DNAAF11: variants seen among roughly 807,000 people sequenced by gnomAD.
DNAAF11 encodes dynein axonemal assembly factor 11.
DNAAF11 carries 45 observed loss-of-function variants against 60.8 expected under a neutral mutation model. That is an observed-to-expected ratio of 0.74 (90% CI 0.58 to 0.95). The LOEUF is 0.95. Ranked by LOEUF, DNAAF11 falls within the 40% of genes least tolerant of loss-of-function variation. DNAAF11 has a pLI of 0.00. For synonymous variants in DNAAF11, 191 were observed against 183.5 expected (o/e 1.04, Z -0.33); for missense variants, 546 against 546.2 (o/e 1.00, Z 0.00).
At chr8:132,689,398 G>T in the DNAAF11 span, among the ~76,000 whole-genome samples, 1 of 152,012 alleles carries the variant, frequency 6.6e-6, no homozygotes, top group South Asian at 2.1e-4. Flanking sequence ...TTTGTTTATT[G>T]ACTTTAACCA....
At chr8:132,680,210 T>C (rs949860986), upstream of DNAAF11, among the ~76,000 whole-genome samples, 1 of 152,250 alleles carries the variant, frequency 6.6e-6, no homozygotes, top group Non-Finnish European at 1.5e-5. Context: ...TCAAAGTGGA[T>C]GAAAGAGTTT....
rs182535997 is a variant in DNAAF11, at chr8:132,640,312, T to C, written c.257-2205A>G. Reference sequence around the variant, plus strand: ...TCCCAGAGTTCCACCCTTGGCCCAGTATTTTCTGTCATCATCTTCTTGATG... The same window carrying C: ...TCCCAGAGTTCCACCCTTGGCCCAGCATTTTCTGTCATCATCTTCTTGATG... On this transcript the variant is annotated intron_variant, in intron 3 of 11. Coordinates refer to ENST00000620350, the MANE Select transcript of DNAAF11 (RefSeq NM_012472.6). Among the ~76,000 whole-genome samples, 187 of 152,308 alleles carry C rather than the reference T, an allele frequency of 1.2e-3. 6 individuals are homozygous for C. Among genetic ancestry groups the C allele is most frequent in the Admixed American group, 0.01 (155 of 15,302 alleles).
intron 10 of DNAAF11, among the ~76,000 whole-genome samples, chr8:132,584,071 T>C (rs560060646): frequency 6.6e-6 from 1 of 152,176 alleles, no homozygotes; most frequent in East Asian, 1.9e-4. Context: ...GACAACAACA[T>C]GCCAGATACT....
rs777223257 is a variant in DNAAF11, at chr8:132,611,359, T to C, written c.979A>G (p.Met327Val). 14 of 1,582,510 alleles carry C rather than the reference T, an allele frequency of 8.8e-6. No individual in the cohort carries two copies. Among genetic ancestry groups the C allele is most frequent in the South Asian group, 1.1e-5 (1 of 89,740 alleles). ...IILDLAVYRY[M>V]DTSLIDVDVQ... ...TCAACATCGATTAAAGAGGTATCCA[T>C]ATACCTTCAAAATTAAACACAGAAA... Residue 327 changes from methionine (M) to valine (V), a missense_variant, in exon 9 of 12, where the codon ATG (methionine) becomes GTG (valine). Coordinates refer to ENST00000620350, the MANE Select transcript of DNAAF11 (RefSeq NM_012472.6).
At chr8:132,588,561 AAAC>A (rs200259010) in intron 10 of DNAAF11, among the ~76,000 whole-genome samples, 1,608 of 152,304 alleles carry the variant, frequency 0.011, 29 homozygotes, top group African/African-American at 0.037. Context: ...AAAGATATAT[AAAC>A]AGTTAAAATA....
intron 4 of DNAAF11, among the ~76,000 whole-genome samples, chr8:132,633,671 G>A (rs755475865): frequency 1.8e-4 from 28 of 152,108 alleles, no homozygotes; most frequent in Middle Eastern, 3.2e-3. Context: ...GGCTTTACAG[G>A]TGTGATTAGG....
chr8:132,581,079 G>C (rs981022856), intron 11 of DNAAF11, among the ~76,000 whole-genome samples: 1 of 152,094 alleles, frequency 6.6e-6, no homozygotes, highest in Non-Finnish European at 1.5e-5. Flanking sequence ...AAGAAACACA[G>C]GGACAGTAGG....
intron 9 of DNAAF11, among the ~76,000 whole-genome samples, 159 bp from the exon 10 acceptor site, chr8:132,610,420 AC>A (rs1818547930): frequency 6.6e-6 from 1 of 152,218 alleles, no homozygotes; most frequent in South Asian, 2.1e-4. Flanking sequence ...CTTTCTATGC[AC>A]AAACTATTTT....
chr8:132,617,432 G>T (rs982797215), intron 7 of DNAAF11, among the ~76,000 whole-genome samples: 2 of 152,238 alleles, frequency 1.3e-5, no homozygotes, highest in African/African-American at 4.8e-5. Context: ...GTTCACTCAT[G>T]ATTTGGCTCT....
chr8:132,608,477 A>G, intron 10 of DNAAF11: 1 of 450,880 alleles, frequency 2.2e-6, no homozygotes, highest in South Asian at 1.6e-5. Context: ...ATAAAGGAAA[A>G]GGGGAAAAGA....
the DNAAF11 span, among the ~76,000 whole-genome samples, chr8:132,688,262 A>C: frequency 8.5e-5 from 13 of 152,226 alleles, no homozygotes; most frequent in East Asian, 3.9e-4. Context: ...ATATTACCCA[A>C]CCCAGTAATC....
Position 132,640,198 on chromosome 8 carries a change from G to A in DNAAF11, c.257-2091C>T, listed in dbSNP as rs113878314. Among the ~76,000 whole-genome samples the A allele has an allele frequency of 3.5e-3, 533 of 152,246 alleles. 2 individuals carry two copies. Among genetic ancestry groups the A allele is most frequent in the African/African-American group, 0.012 (498 of 41,564 alleles). ...AATTCTCAGCCATCTTGGTAACAGCGATACTACTCTCTCCTTGTTCTCCTT... is the reference window on the plus strand; with the variant it reads ...AATTCTCAGCCATCTTGGTAACAGCAATACTACTCTCTCCTTGTTCTCCTT... On this transcript the variant is annotated intron_variant, in intron 3 of 11. Transcript: ENST00000620350.
rs1821465304 is a variant in DNAAF11 at position 132,637,965 on chromosome 8, C to T, written c.399G>A (p.Glu133=). Residue 133 remains glutamate, a synonymous_variant, in exon 4 of 12, where the codon GAG becomes GAA. Transcript: ENST00000620350. ...NPCASFDHYR[E]FVVATLPQLK... is the part of the protein sequence containing the mutation. ...ATTGTGGAAGAGTTGCTACCACGAA[C>T]TCCCTATAGTGGTCAAAGGAAGCAC... 1.9e-6 allele frequency: 3 copies of T among 1,610,596 alleles called. No individual in the cohort carries two copies. Among genetic ancestry groups the T allele is most frequent in the Non-Finnish European group, 2.5e-6 (3 of 1,178,670 alleles).
At chr8:132,593,266 T>A (rs1225835157) in intron 10 of DNAAF11, among the ~76,000 whole-genome samples, 2 of 149,342 alleles carry the variant, frequency 1.3e-5, no homozygotes, top group African/African-American at 4.9e-5. Context: ...TAAAAAAAGA[T>A]ATGTGTTTAG....
At chr8:132,645,574 C>A (rs1461581964) in intron 3 of DNAAF11, among the ~76,000 whole-genome samples, 1 of 151,972 alleles carries the variant, frequency 6.6e-6, no homozygotes, top group East Asian at 1.9e-4. Context: ...GAACCTATCG[C>A]AAAGAAGCTA....
intron 10 of DNAAF11, among the ~76,000 whole-genome samples, chr8:132,608,832 TACTTG>T (rs2129920120): frequency 6.6e-6 from 1 of 152,356 alleles, no homozygotes; most frequent in Admixed American, 6.5e-5. Context: ...GTTATTTTAT[TACTTG>T]ACAACAAATT....
intron 11 of DNAAF11, among the ~76,000 whole-genome samples, chr8:132,576,600 A>C (rs1814774144): frequency 6.6e-6 from 1 of 152,194 alleles, no homozygotes; most frequent in Non-Finnish European, 1.5e-5. Context: ...TGAAGTTCCA[A>C]AATCCAAAAT....
intron 4 of DNAAF11, among the ~76,000 whole-genome samples, chr8:132,637,146 C>T (rs113787337): frequency 1.1e-4 from 16 of 152,264 alleles, no homozygotes; most frequent in African/African-American, 3.9e-4. Flanking sequence ...GTAACATACG[C>T]AGTAGTGGTT....
chr8:132,611,227 T>C (rs1818631122), intron 9 of DNAAF11, 67 bp downstream of exon 9: 2 of 1,117,672 alleles, frequency 1.8e-6, no homozygotes, highest in Non-Finnish European at 2.7e-6. Context: ...TAAAAACATT[T>C]GAGGCACCAC....
Sources: allele counts gnomAD v4.1 joint callset (sites outside exome capture counted in the v4.1 genomes callset), GRCh38; gene constraint gnomAD v4.1.1; transcripts MANE v1.5; gene names NCBI Gene and HGNC (gene_info 2026-07-23, HGNC 2026-07-21).